The following MRPS28 variants were observed in gnomAD, a reference collection of about 807,000 sequenced individuals.
The protein encoded by MRPS28 is mitochondrial ribosomal protein S28.
Under a neutral mutation model 10.8 loss-of-function variants are expected in MRPS28, and 7 were observed. The ratio of observed to expected loss-of-function variants is 0.65; its 90% CI spans 0.37 to 1.22. The LOEUF (loss-of-function observed/expected upper bound fraction) is 1.22. Among genes scored for constraint, MRPS28 ranks in the 50% most tolerant of loss-of-function variants. The pLI, the probability that MRPS28 is intolerant of heterozygous loss-of-function variation, is 0.02. For synonymous variants in MRPS28, 121 were observed against 93.3 expected (o/e 1.30, Z -1.71); for missense variants, 265 against 232.9 (o/e 1.14, Z -0.90).
At chr8:79,956,478 C>CT (rs747192682) in intron 2 of MRPS28, 17 of 152,114 alleles carry the variant, frequency 1.1e-4, no homozygotes, top group East Asian at 1.9e-4. Flanking sequence ...AATTTAAATA[C>CT]TTTTTTTAAC....
chr8:79,983,847 T>G (rs1230603885), intron 2 of MRPS28, among the ~76,000 whole-genome samples: 1 of 152,124 alleles, frequency 6.6e-6, no homozygotes, highest in Non-Finnish European at 1.5e-5. Context: ...TGGAAAACAC[T>G]CTGCAGGATA....
chr8:79,920,104 T>C (rs1384105746), intron 2 of MRPS28, among the ~76,000 whole-genome samples: 1 of 152,084 alleles, frequency 6.6e-6, no homozygotes, highest in South Asian at 2.1e-4. Flanking sequence ...TCCATGTCCC[T>C]ACAAAGGACA....
intron 2 of MRPS28, among the ~76,000 whole-genome samples, chr8:79,919,844 A>C (rs1388847499): frequency 6.6e-6 from 1 of 152,110 alleles, no homozygotes; most frequent in Non-Finnish European, 1.5e-5. Flanking sequence ...CATGTGCACA[A>C]CGTGCAGGTT....
intron 1 of MRPS28, among the ~76,000 whole-genome samples, chr8:80,023,833 T>A (rs1382246578): frequency 1.3e-5 from 2 of 152,098 alleles, no homozygotes; most frequent in Non-Finnish European, 2.9e-5. Context: ...AGCTCCCAAT[T>A]GCCTTAACAG....
At chr8:79,951,986 A>G (rs2129972669) in intron 2 of MRPS28, among the ~76,000 whole-genome samples, 1 of 152,334 alleles carries the variant, frequency 6.6e-6, no homozygotes, top group East Asian at 1.9e-4. Flanking sequence ...CAGTTAAGGT[A>G]GAGTTTTCTG....
At chr8:79,968,146 T>C (rs1419229623) in intron 2 of MRPS28, among the ~76,000 whole-genome samples, 1 of 152,146 alleles carries the variant, frequency 6.6e-6, no homozygotes, top group African/African-American at 2.4e-5. Context: ...ATTTGTCTTA[T>C]TATATCTCTT....
At chr8:79,932,137 A>C (rs1806479721) in intron 2 of MRPS28, among the ~76,000 whole-genome samples, 1 of 152,218 alleles carries the variant, frequency 6.6e-6, no homozygotes. Flanking sequence ...ATACTGCTCT[A>C]GATGCTGCAA....
At chr8:79,941,287 C>T (rs1806759298) in intron 2 of MRPS28, among the ~76,000 whole-genome samples, 1 of 152,150 alleles carries the variant, frequency 6.6e-6, no homozygotes, top group Non-Finnish European at 1.5e-5. Context: ...TTCCTTGATT[C>T]CAAATGTGGT....
At chr8:79,949,919 T>TTTA (rs1233341667) in intron 2 of MRPS28, among the ~76,000 whole-genome samples, 1 of 152,234 alleles carries the variant, frequency 6.6e-6, no homozygotes, top group Non-Finnish European at 1.5e-5. Context: ...TTTTCGTTAC[T>TTTA]TTAAATAAAC....
At chr8:79,997,367 A>G (rs906072573) in intron 2 of MRPS28, among the ~76,000 whole-genome samples, 16 of 152,198 alleles carry the variant, frequency 1.1e-4, no homozygotes, top group African/African-American at 3.4e-4. Flanking sequence ...GTTCTCTCTC[A>G]GTAGGGGGTC....
At position 80,012,959 on chromosome 8, in the gene MRPS28, G is replaced by A. The variant is rs543762894; in HGVS notation, c.214-9779C>T. Among the ~76,000 whole-genome samples the A allele has an allele frequency of 5.6e-4, 86 of 152,260 alleles. 1 individual carries two copies. The highest frequency in any genetic ancestry group is 2.0e-3 in the African/African-American group (83 of 41,550). On this transcript the variant is annotated intron_variant, in intron 1 of 2. Transcript: ENST00000276585. ...AATCCAACTACCTCAAGTTTTACAT[G>A]AGTACCATACATGCTATTCAAAGTT...
chr8:79,947,927 G>A (rs1215986185), intron 2 of MRPS28, among the ~76,000 whole-genome samples: 3 of 150,618 alleles, frequency 2.0e-5, no homozygotes, highest in Non-Finnish European at 3.0e-5. Context: ...ATGAGCCACC[G>A]CGCCTGGCCT....
intron 2 of MRPS28, among the ~76,000 whole-genome samples, chr8:79,979,820 CA>C (rs1204817643): frequency 7.2e-6 from 1 of 138,618 alleles, no homozygotes; most frequent in Non-Finnish European, 1.5e-5. Context: ...ATGCATGACT[CA>C]AGAAGCCCCA....
intron 1 of MRPS28, among the ~76,000 whole-genome samples, chr8:80,011,422 T>C (rs1809046915): frequency 6.7e-6 from 1 of 148,396 alleles, no homozygotes; most frequent in African/African-American, 2.5e-5. Context: ...TTTTTTTCAA[T>C]TGGCTGACTT....
At chr8:79,978,586 T>A (rs1807862368) in intron 2 of MRPS28, among the ~76,000 whole-genome samples, 1 of 152,226 alleles carries the variant, frequency 6.6e-6, no homozygotes, top group African/African-American at 2.4e-5. Flanking sequence ...CATTACTATA[T>A]TTATCCTTGA....
intron 2 of MRPS28, among the ~76,000 whole-genome samples, chr8:79,989,079 G>C (rs562710052): frequency 6.6e-6 from 1 of 152,288 alleles, no homozygotes; most frequent in East Asian, 1.9e-4. Flanking sequence ...TCCCTGATGA[G>C]TTTAAGAGGG....
In MRPS28 at chr8:80,018,326, A is replaced by G. The variant is rs1809259224; in HGVS notation, c.213+11710T>C. 3.3e-5 allele frequency among the ~76,000 whole-genome samples: 5 copies of G among 150,918 alleles called. No individual in the cohort carries two copies. The South Asian group carries it at 1.0e-3, about 32-fold the overall frequency. ...AAAAAAAAAAAAAAAAAGGCAAATA[A>G]TCTGAATGGACCTTTCTCGAAAGAA... On this transcript the variant is annotated intron_variant, in intron 1 of 2. Coordinates refer to ENST00000276585, the MANE Select transcript of MRPS28 (RefSeq NM_014018.3).
intron 1 of MRPS28, among the ~76,000 whole-genome samples, chr8:80,022,496 T>C (rs1288891948): frequency 6.6e-6 from 1 of 152,204 alleles, no homozygotes; most frequent in East Asian, 1.9e-4. Flanking sequence ...CCATCTCAAT[T>C]TGGGTAGCTG....
chr8:80,023,729 C>T (rs1040990740), intron 1 of MRPS28, among the ~76,000 whole-genome samples: 26 of 152,046 alleles, frequency 1.7e-4, no homozygotes, highest in African/African-American at 5.1e-4. Flanking sequence ...TAGCATGCCA[C>T]CCTCTACTGC....
Sources: allele counts gnomAD v4.1 joint callset (sites outside exome capture counted in the v4.1 genomes callset), GRCh38; gene constraint gnomAD v4.1.1; transcripts MANE v1.5; gene names NCBI Gene and HGNC (gene_info 2026-07-23, HGNC 2026-07-21).